The following CTNND2 variants were observed in gnomAD, a reference collection of about 807,000 sequenced individuals.
CTNND2 encodes the protein catenin delta 2, also known as catenin delta-2.
In CTNND2, 22 loss-of-function variants were observed where a neutral mutation model predicts 144.4. The ratio of observed to expected loss-of-function variants is 0.15; its 90% confidence interval spans 0.11 to 0.22. CTNND2 has a LOEUF of 0.22. Among genes scored for constraint, CTNND2 ranks in the 10% least tolerant of loss-of-function variants. The pLI is 1.00. For synonymous variants in CTNND2, 751 were observed against 695.6 expected (o/e 1.08, Z -1.25); for missense variants, 1,353 against 1,618.8 (o/e 0.84, Z 2.82).
intron 3 of CTNND2, among the ~76,000 whole-genome samples, chr5:11,452,861 G>A (rs987997093): frequency 8.5e-5 from 13 of 152,250 alleles, no homozygotes; most frequent in East Asian, 5.8e-4. Context: ...ATAGGTTTGC[G>A]ATCTATCCTA....
At chr5:11,724,266 T>C (rs1156753513) in intron 2 of CTNND2, among the ~76,000 whole-genome samples, 1 of 152,100 alleles carries the variant, frequency 6.6e-6, no homozygotes, top group East Asian at 1.9e-4. Flanking sequence ...ACCAAATCAC[T>C]GCAGCATTAT....
intron 15 of CTNND2, among the ~76,000 whole-genome samples, chr5:11,094,482 T>A (rs943451719): frequency 2.4e-4 from 24 of 101,324 alleles, no homozygotes; most frequent in South Asian, 1.6e-3. Context: ...AGTTCTTGCT[T>A]TTTTTTTTTT....
chr5:11,148,868 T>G (rs1389110092), intron 12 of CTNND2, among the ~76,000 whole-genome samples: 2 of 152,348 alleles, frequency 1.3e-5, no homozygotes, highest in East Asian at 3.9e-4. Context: ...TGTGAGCCTG[T>G]TACCGCAGGA....
chr5:11,381,112 G>GGTT (rs1758439396), intron 7 of CTNND2, among the ~76,000 whole-genome samples: 1 of 151,968 alleles, frequency 6.6e-6, no homozygotes, highest in African/African-American at 2.4e-5. Flanking sequence ...AATCTCAGTG[G>GGTT]CTACACCTTA....
At chr5:11,131,735 G>A (rs1278305963) in intron 12 of CTNND2, among the ~76,000 whole-genome samples, 1 of 152,114 alleles carries the variant, frequency 6.6e-6, no homozygotes, top group East Asian at 1.9e-4. Flanking sequence ...CTTGCAGTGA[G>A]CTGAGATGGC....
chr5:11,588,820 A>G (rs990571189), intron 2 of CTNND2: 1 of 985,320 alleles, frequency 1.0e-6, no homozygotes, highest in Non-Finnish European at 1.2e-6. Context: ...CCAAAGATGA[A>G]GGGTTACTCT....
At chr5:11,112,015 T>G (rs1452799285) in intron 13 of CTNND2, among the ~76,000 whole-genome samples, 2 of 151,716 alleles carry the variant, frequency 1.3e-5, no homozygotes, top group Non-Finnish European at 2.9e-5. Context: ...CCCAGCTAAT[T>G]TTTTTTTGTA....
chr5:11,613,750 G>A (rs1780447609), intron 2 of CTNND2, among the ~76,000 whole-genome samples: 1 of 152,170 alleles, frequency 6.6e-6, no homozygotes, highest in South Asian at 2.1e-4. Flanking sequence ...CTGTCCTCAA[G>A]CTGGGTAAAG....
rs184226446 is a variant in CTNND2, at chr5:11,438,171, A to T, written c.288-26102T>A. On this transcript the variant is annotated intron_variant, in intron 3 of 21. Transcript: ENST00000304623. Reference sequence around the variant, plus strand: ...AGAAAACTAGGCGAAGAGGATCGTCATCTTCAAAGGACTTTCAATAAGGTA... The same window carrying T: ...AGAAAACTAGGCGAAGAGGATCGTCTTCTTCAAAGGACTTTCAATAAGGTA... Among the ~76,000 whole-genome samples, 68 of 152,362 alleles carry T rather than the reference A, an allele frequency of 4.5e-4. No individual in the cohort carries two copies. The South Asian group carries it at 0.012, about 26-fold the overall frequency.
intron 1 of CTNND2, among the ~76,000 whole-genome samples, chr5:11,772,777 T>G (rs1202681174): frequency 6.6e-6 from 1 of 152,138 alleles, no homozygotes; most frequent in Non-Finnish European, 1.5e-5. Flanking sequence ...TCCGGAAATC[T>G]GGGGCAGAAT....
chr5:11,756,284 A>T (rs1362774192), intron 1 of CTNND2, among the ~76,000 whole-genome samples: 1 of 151,784 alleles, frequency 6.6e-6, no homozygotes, highest in Non-Finnish European at 1.5e-5. Context: ...AGTAAAAAAA[A>T]TACAGTACTC....
At chr5:11,470,723 T>A (rs372885656) in intron 3 of CTNND2, among the ~76,000 whole-genome samples, 1 of 151,958 alleles carries the variant, frequency 6.6e-6, no homozygotes, top group Non-Finnish European at 1.5e-5. Flanking sequence ...TTATTTTCAA[T>A]GACCCTGACG....
At chr5:11,586,073 A>C (rs973815896) in intron 2 of CTNND2, among the ~76,000 whole-genome samples, 7 of 152,196 alleles carry the variant, frequency 4.6e-5, no homozygotes, top group African/African-American at 1.7e-4. Flanking sequence ...GAGTAGTAAC[A>C]TGATAGGATT....
chr5:11,022,185 A>T (rs1488644766), intron 17 of CTNND2, among the ~76,000 whole-genome samples: 1 of 152,148 alleles, frequency 6.6e-6, no homozygotes, highest in Non-Finnish European at 1.5e-5. Context: ...TTAAGATTTG[A>T]TTATCAACTC....
chr5:11,878,383 A>C (rs943180704), intron 1 of CTNND2, among the ~76,000 whole-genome samples: 1 of 152,184 alleles, frequency 6.6e-6, no homozygotes, highest in South Asian at 2.1e-4. Context: ...TGAGCTCCCA[A>C]GAGACAAGGT....
intron 2 of CTNND2, among the ~76,000 whole-genome samples, chr5:11,662,205 G>GCA (rs1561669179): frequency 1.6e-3 from 203 of 125,920 alleles, no homozygotes; most frequent in African/African-American, 6.1e-3. Context: ...GTGTATATAT[G>GCA]TATATATATA....
chr5:11,616,844 T>C (rs932263299), intron 2 of CTNND2, among the ~76,000 whole-genome samples: 4 of 152,186 alleles, frequency 2.6e-5, no homozygotes, highest in Non-Finnish European at 5.9e-5. Context: ...TGGCCTCAAG[T>C]GACCCACATA....
intron 9 of CTNND2, among the ~76,000 whole-genome samples, chr5:11,340,771 C>T (rs190153004): frequency 3.4e-4 from 51 of 152,198 alleles, no homozygotes; most frequent in Non-Finnish European, 6.6e-4. Flanking sequence ...ATTAGAAACA[C>T]GAGACTGAAA....
At chr5:11,652,180 C>T (rs755304350) in intron 2 of CTNND2, among the ~76,000 whole-genome samples, 3 of 152,148 alleles carry the variant, frequency 2.0e-5, no homozygotes, top group East Asian at 1.9e-4. Context: ...TTCCCCCGTG[C>T]TATTTTTGTG....
Sources: allele counts gnomAD v4.1 joint callset (sites outside exome capture counted in the v4.1 genomes callset), GRCh38; gene constraint gnomAD v4.1.1; transcripts MANE v1.5; gene names NCBI Gene and HGNC (gene_info 2026-07-23, HGNC 2026-07-21).